Variants in SLC25A48 observed in about 807,000 individuals in gnomAD.
The protein encoded by SLC25A48 is solute carrier family 25 member 48.
Under a neutral mutation model 32.2 loss-of-function variants are expected in SLC25A48, and 29 were observed. The ratio of observed to expected loss-of-function variants is 0.90; its 90% confidence interval spans 0.67 to 1.23. SLC25A48 has a LOEUF of 1.23. Ranked by LOEUF, SLC25A48 falls within the 50% of genes most tolerant of loss-of-function variation. SLC25A48 has a pLI of 0.00. For synonymous variants in SLC25A48, 164 were observed against 172.3 expected (o/e 0.95, Z 0.38); for missense variants, 399 against 422.7 (o/e 0.94, Z 0.49).
At chr5:135,865,679 G>A (rs1474002428) in intron 4 of SLC25A48, among the ~76,000 whole-genome samples, 2 of 152,096 alleles carry the variant, frequency 1.3e-5, no homozygotes, top group Non-Finnish European at 2.9e-5. Context: ...GAAACTCACC[G>A]CCACACTAAG....
At chr5:135,863,325 G>C (rs557351214) in intron 4 of SLC25A48, among the ~76,000 whole-genome samples, 6 of 152,324 alleles carry the variant, frequency 3.9e-5, no homozygotes, top group Admixed American at 3.9e-4. Context: ...AGTGAGAAGA[G>C]GATGAGTTTT....
intron 3 of SLC25A48, among the ~76,000 whole-genome samples, chr5:135,791,162 C>T (rs913154294): frequency 4.6e-5 from 7 of 151,436 alleles, no homozygotes; most frequent in African/African-American, 1.7e-4. Context: ...GACATGACTT[C>T]TAATATCACA....
intron 3 of SLC25A48, among the ~76,000 whole-genome samples, chr5:135,651,710 G>T (rs897769884): frequency 6.6e-6 from 1 of 152,072 alleles, no homozygotes; most frequent in African/African-American, 2.4e-5. Flanking sequence ...TTTGAAAATT[G>T]CTGTGTGGTT....
At chr5:135,711,280 G>A (rs981992681) in intron 3 of SLC25A48, among the ~76,000 whole-genome samples, 2 of 152,232 alleles carry the variant, frequency 1.3e-5, no homozygotes, top group African/African-American at 4.8e-5. Flanking sequence ...ACTTTGGGAA[G>A]CTTGGGAGCC....
Position 135,712,294 on chromosome 5 carries a change from A to G in SLC25A48, c.-521+77338A>G, listed in dbSNP as rs1051258040. Among the ~76,000 whole-genome samples the G allele has an allele frequency of 5.3e-5, 8 of 152,310 alleles. No individual in the cohort carries two copies. In the South Asian group the frequency reaches 1.0e-3, roughly 20 times the overall value. ...GAGCAAAGAATTCATCAAGTGAAGA[A>G]TAGAATCTTCCAGGTGCTCCACCTC... On this transcript the variant is annotated intron_variant, in intron 3 of 10. Transcript: ENST00000646290.
chr5:135,847,220 G>C (rs1759497259), intron 2 of SLC25A48, among the ~76,000 whole-genome samples: 1 of 152,218 alleles, frequency 6.6e-6, no homozygotes, highest in South Asian at 2.1e-4. Context: ...TGTTCACTGA[G>C]TATCTATTAT....
At chr5:135,588,479 G>A (rs1348367270) in intron 1 of SLC25A48, among the ~76,000 whole-genome samples, 1 of 152,208 alleles carries the variant, frequency 6.6e-6, no homozygotes, top group Non-Finnish European at 1.5e-5. Flanking sequence ...CGGGGGCTGC[G>A]GGCCAGAGGC....
intron 3 of SLC25A48, among the ~76,000 whole-genome samples, chr5:135,808,093 CATAG>C (rs1757505498): frequency 6.7e-6 from 1 of 150,188 alleles, no homozygotes; most frequent in Non-Finnish European, 1.5e-5. Flanking sequence ...TTATAAATAT[CATAG>C]ATATTTTATT....
intron 1 of SLC25A48, among the ~76,000 whole-genome samples, chr5:135,583,806 G>A (rs968350447): frequency 6.6e-6 from 1 of 152,128 alleles, no homozygotes; most frequent in Admixed American, 6.5e-5. Context: ...AAGCCTGGCG[G>A]GTGCCTCTCC....
intron 3 of SLC25A48, among the ~76,000 whole-genome samples, chr5:135,789,184 C>T (rs535538778): frequency 1.4e-5 from 2 of 147,574 alleles, no homozygotes; most frequent in Non-Finnish European, 3.0e-5. Flanking sequence ...CCCCATGTTG[C>T]GGTGGGTGTA....
At chr5:135,867,867 G>A (rs984536669) in intron 4 of SLC25A48, among the ~76,000 whole-genome samples, 14 of 152,178 alleles carry the variant, frequency 9.2e-5, no homozygotes, top group Non-Finnish European at 1.8e-4. Context: ...AGTGCTGATG[G>A]ACTTGTAAGT....
chr5:135,846,756 C>T (rs776588560), intron 2 of SLC25A48, among the ~76,000 whole-genome samples: 1 of 152,078 alleles, frequency 6.6e-6, no homozygotes, highest in Non-Finnish European at 1.5e-5. Flanking sequence ...CTCCCATTCT[C>T]TATAAGGACC....
At chr5:135,789,626 C>T (rs28373574) in intron 3 of SLC25A48, among the ~76,000 whole-genome samples, 95,600 of 150,864 alleles carry the variant, frequency 0.63, 33,093 homozygotes, top group Non-Finnish European at 0.77. Context: ...CCCCATGTGG[C>T]GGGGGGTGTA....
intron 3 of SLC25A48, among the ~76,000 whole-genome samples, chr5:135,651,106 G>A (rs113990882): frequency 2.0e-5 from 3 of 152,168 alleles, no homozygotes; most frequent in African/African-American, 7.2e-5. Context: ...GAGAGAGAAG[G>A]GGTTTCCCCT....
At position 135,748,849 on chromosome 5, in the gene SLC25A48, G is replaced by C. The variant is rs548631637; in HGVS notation, c.-520-63674G>C. On this transcript the variant is annotated intron_variant, in intron 3 of 10. Coordinates refer to the SLC25A48 transcript ENST00000646290. ...TTCCCCTGCCTCAGCTTCCTGAGTAGTTGGGATTATAGGCACACATCACCA... is the reference window on the plus strand; with the variant it reads ...TTCCCCTGCCTCAGCTTCCTGAGTACTTGGGATTATAGGCACACATCACCA... Among the ~76,000 whole-genome samples the C allele has an allele frequency of 3.3e-5, 5 of 152,002 alleles. 1 individual carries two copies. The South Asian group carries it at 1.0e-3, about 32-fold the overall frequency.
At position 135,888,212 on chromosome 5, in the gene SLC25A48, T is replaced by C; in HGVS notation, c.*188T>C. ...CCTGGGATGCCTCATGAGTCACTGATTCAAGCCCTCCAAGGTTCTGATCCC... is the reference window on the plus strand; with the variant it reads ...CCTGGGATGCCTCATGAGTCACTGACTCAAGCCCTCCAAGGTTCTGATCCC... On this transcript the variant is annotated 3_prime_UTR_variant, in exon 8 of 8. Coordinates refer to ENST00000681962, the MANE Select transcript of SLC25A48 (RefSeq NM_001349336.2). The C allele has an allele frequency of 1.2e-6, 1 of 812,422 alleles. No homozygotes were observed. The highest frequency in any genetic ancestry group is 1.9e-6 in the Non-Finnish European group (1 of 515,438). The allele number at this position is 812,422 out of a possible 1,614,324, so 50.3% of individuals were successfully genotyped here. A position where few individuals can be genotyped will look rare whatever the true frequency, so the allele number is the denominator to read the frequency against.
In SLC25A48 at chr5:135,652,383, A is replaced by G. The variant is rs1303535673; in HGVS notation, c.-521+17427A>G. ...CTTTGCACATAGTGCTTCTGCCAGCACCACCATCCATGGATTCACAAAATG... is the reference window on the plus strand; with the variant it reads ...CTTTGCACATAGTGCTTCTGCCAGCGCCACCATCCATGGATTCACAAAATG... On this transcript the variant is annotated intron_variant, in intron 3 of 10. Transcript: ENST00000646290. The G allele has an allele frequency of 8.8e-6, 4 of 456,104 alleles. No homozygotes were observed. The East Asian group carries it at 2.1e-4, about 24-fold the overall frequency. 28.3% of individuals were successfully genotyped at this position (456,104 alleles called of 1,614,324 possible). A position where few individuals can be genotyped will look rare whatever the true frequency, so the allele number is the denominator to read the frequency against.
At chr5:135,682,534 T>C (rs59877050) in intron 3 of SLC25A48, among the ~76,000 whole-genome samples, 3 of 152,228 alleles carry the variant, frequency 2.0e-5, no homozygotes, top group Admixed American at 2.0e-4. Flanking sequence ...CTTGCATACA[T>C]ATGTGCCTTT....
At chr5:135,768,713 T>G (rs1020959903) in intron 3 of SLC25A48, among the ~76,000 whole-genome samples, 1 of 151,680 alleles carries the variant, frequency 6.6e-6, no homozygotes, top group Non-Finnish European at 1.5e-5. Flanking sequence ...ACACCCTTGT[T>G]ATATTTTTCA....
Sources: allele counts gnomAD v4.1 joint callset (sites outside exome capture counted in the v4.1 genomes callset), GRCh38; gene constraint gnomAD v4.1.1; transcripts MANE v1.5; gene names NCBI Gene and HGNC (gene_info 2026-07-23, HGNC 2026-07-21).